Variants in ARHGAP24 observed in about 807,000 individuals in gnomAD.
ARHGAP24 encodes the protein Rho GTPase activating protein 24.
A neutral mutation model predicts 76.4 loss-of-function variants in ARHGAP24; 50 were observed. That is an observed-to-expected ratio of 0.65 (90% CI 0.52 to 0.83). The LOEUF is 0.83. Ranked by LOEUF, ARHGAP24 falls within the 40% of genes least tolerant of loss-of-function variation. The pLI, the probability that ARHGAP24 is intolerant of heterozygous loss-of-function variation, is 0.00. For missense variants in ARHGAP24, 930 were observed against 914.2 expected, an observed-to-expected ratio of 1.02 and a Z score of -0.22; for synonymous variants, 345 against 323.3, an observed-to-expected ratio of 1.07 and a Z score of -0.72.
At position 85,659,547 on chromosome 4, in the gene ARHGAP24, C is replaced by T. The variant is rs74683819; in HGVS notation, c.181-62338C>T. Among the ~76,000 whole-genome samples the T allele has an allele frequency of 8.4e-3, 1,274 of 152,080 alleles. 20 individuals are homozygous for T. The highest frequency in any genetic ancestry group is 0.029 in the African/African-American group (1,196 of 41,470). ...CATATATAAAAAAGTATGAATATAG[C>T]GGCCATATTAATGTTCTCCTCCCTA... On this transcript the variant is annotated intron_variant, in intron 2 of 9. Transcript: ENST00000395184.
At chr4:85,611,936 A>G (rs530370988) in intron 2 of ARHGAP24, among the ~76,000 whole-genome samples, 3 of 152,320 alleles carry the variant, frequency 2.0e-5, no homozygotes, top group Middle Eastern at 3.4e-3. Context: ...CAGGTTCTGT[A>G]TAGTACCAGT....
At chr4:85,952,410 G>A (rs1054949813) in intron 5 of ARHGAP24, among the ~76,000 whole-genome samples, 1 of 152,148 alleles carries the variant, frequency 6.6e-6, no homozygotes, top group Non-Finnish European at 1.5e-5. Context: ...TGAAGAGCAT[G>A]TATTCATACA....
At chr4:85,690,319 C>T (rs1360918701) in intron 2 of ARHGAP24, among the ~76,000 whole-genome samples, 1 of 152,138 alleles carries the variant, frequency 6.6e-6, no homozygotes, top group African/African-American at 2.4e-5. Flanking sequence ...CTGATTCCAG[C>T]TCATAGAATG....
chr4:85,988,689 T>C (rs1455002296), intron 8 of ARHGAP24, among the ~76,000 whole-genome samples: 1 of 151,578 alleles, frequency 6.6e-6, no homozygotes, highest in African/African-American at 2.4e-5. Context: ...AATACCATGA[T>C]GACAGAATTA....
At chr4:85,821,223 T>C (rs1217137368) in intron 3 of ARHGAP24, among the ~76,000 whole-genome samples, 1 of 152,206 alleles carries the variant, frequency 6.6e-6, no homozygotes, top group African/African-American at 2.4e-5. Context: ...ATAATTTTCT[T>C]TAATATTAAG....
intron 3 of ARHGAP24, among the ~76,000 whole-genome samples, chr4:85,822,898 GACAGCAGC>G (rs1347879631): frequency 2.6e-5 from 4 of 152,006 alleles, no homozygotes; most frequent in African/African-American, 9.7e-5. Context: ...TATATTATAG[GACAGCAGC>G]ATCTAGAATT....
At chr4:85,775,053 G>A (rs895487327) in intron 3 of ARHGAP24, among the ~76,000 whole-genome samples, 2 of 152,086 alleles carry the variant, frequency 1.3e-5, no homozygotes, top group African/African-American at 4.8e-5. Context: ...AGCAAACATG[G>A]TTCAACTGAC....
chr4:85,930,665 C>T, intron 4 of ARHGAP24: 2 of 1,133,054 alleles, frequency 1.8e-6, no homozygotes, highest in Non-Finnish European at 2.2e-6. Flanking sequence ...GGAATGTCTG[C>T]AGAAACTTAA....
At chr4:85,797,373 C>T (rs1728398442) in intron 3 of ARHGAP24, among the ~76,000 whole-genome samples, 1 of 152,076 alleles carries the variant, frequency 6.6e-6, no homozygotes, top group African/African-American at 2.4e-5. Flanking sequence ...CAGGATTTCA[C>T]CGTGTTAGCC....
At chr4:85,956,054 T>C (rs570929612) in intron 5 of ARHGAP24, among the ~76,000 whole-genome samples, 3 of 152,102 alleles carry the variant, frequency 2.0e-5, no homozygotes, top group Non-Finnish European at 4.4e-5. Context: ...CAGGGCTTGA[T>C]GGAAGAAAGT....
chr4:85,528,609 C>A (rs1725121884), intron 1 of ARHGAP24, among the ~76,000 whole-genome samples: 1 of 151,870 alleles, frequency 6.6e-6, no homozygotes, highest in African/African-American at 2.4e-5. Context: ...AGAATTGCAT[C>A]TAATTTATTG....
intron 3 of ARHGAP24, among the ~76,000 whole-genome samples, chr4:85,724,503 A>AT (rs895536308): frequency 4.0e-4 from 5 of 12,464 alleles, no homozygotes; most frequent in African/African-American, 5.6e-4. Flanking sequence ...ATATATATAT[A>AT]TATATATATA....
chr4:85,531,523 G>A (rs1725259375), intron 1 of ARHGAP24, among the ~76,000 whole-genome samples: 1 of 151,934 alleles, frequency 6.6e-6, no homozygotes, highest in Non-Finnish European at 1.5e-5. Context: ...TGATCATTGT[G>A]GGAAAACAAA....
chr4:85,933,526 A>C (rs1261803838), intron 4 of ARHGAP24, among the ~76,000 whole-genome samples: 1 of 152,156 alleles, frequency 6.6e-6, no homozygotes, highest in Admixed American at 6.5e-5. Context: ...AATTAAGGTC[A>C]CTGAAAATGA....
chr4:85,669,305 A>T (rs1163173099), intron 2 of ARHGAP24, among the ~76,000 whole-genome samples: 1 of 152,102 alleles, frequency 6.6e-6, no homozygotes, highest in Non-Finnish European at 1.5e-5. Context: ...TCTCTACCCT[A>T]TAAGCCTGAT....
intron 3 of ARHGAP24, among the ~76,000 whole-genome samples, chr4:85,811,737 A>AT (rs796381186): frequency 2.0e-5 from 3 of 152,376 alleles, no homozygotes; most frequent in African/African-American, 7.2e-5. Flanking sequence ...CATCAGGAAG[A>AT]TGCAGAGAAA....
At position 85,977,614 on chromosome 4, in the gene ARHGAP24, G is replaced by C; in HGVS notation, c.851G>C (p.Ser284Thr). Residue 284 changes from serine to threonine, a missense_variant, in exon 8 of 10, where the codon AGT (serine) becomes ACT (threonine). Physicochemically the swap from Ser to Thr is moderately conservative, Grantham distance 58. Transcript: ENST00000395184. The part of the protein sequence containing the change: ...VQSYSGVNKM[S>T]VQNLATVFGP... ...TCCTACTCGGGAGTTAACAAAATGA[G>C]TGTGCAGAACTTGGCAACGGTCTTT... 6.2e-7 allele frequency: 1 copy of C among 1,613,918 alleles called. No homozygotes were observed. The highest frequency in any genetic ancestry group is 8.5e-7 in the Non-Finnish European group (1 of 1,179,846).
intron 3 of ARHGAP24, among the ~76,000 whole-genome samples, chr4:85,822,066 G>T (rs1729497523): frequency 6.6e-6 from 1 of 152,146 alleles, no homozygotes. Context: ...TCTAGTTAAA[G>T]AATAAATCCC....
chr4:85,523,489 A>T (rs1284049391), intron 1 of ARHGAP24, among the ~76,000 whole-genome samples: 1 of 152,218 alleles, frequency 6.6e-6, no homozygotes, highest in Non-Finnish European at 1.5e-5. Flanking sequence ...AGTGAAACAT[A>T]AGCACTCCTT....
Sources: gnomAD v4.1 joint callset for allele counts (sites outside exome capture counted in the v4.1 genomes callset) on GRCh38, gnomAD v4.1.1 for gene constraint, MANE v1.5 for transcripts, NCBI Gene and HGNC (gene_info 2026-07-23, HGNC 2026-07-21) for gene names.